SV2C: variants seen among roughly 807,000 people sequenced by gnomAD.
SV2C encodes solute carrier family 22 member B3.
A neutral mutation model predicts 79.7 loss-of-function variants in SV2C; 49 were observed. The observed-to-expected ratio is 0.61, with a 90% CI of 0.49 to 0.78. The LOEUF is 0.78. Ranked by LOEUF, SV2C falls within the 30% of genes least tolerant of loss-of-function variation. SV2C has a pLI of 0.00. For synonymous variants in SV2C, 334 were observed against 333.2 expected, an observed-to-expected ratio of 1.00 and a Z score of -0.03; for missense variants, 833 against 912.9, an observed-to-expected ratio of 0.91 and a Z score of 1.13.
chr5:76,207,998 G>A (rs1428988064), intron 3 of SV2C, among the ~76,000 whole-genome samples: 2 of 152,208 alleles, frequency 1.3e-5, no homozygotes, highest in Non-Finnish European at 2.9e-5. Flanking sequence ...TTGAGGGTTT[G>A]GTTATGGACT....
chr5:76,208,826 G>C (rs1040287269), intron 3 of SV2C, among the ~76,000 whole-genome samples: 1 of 152,186 alleles, frequency 6.6e-6, no homozygotes, highest in South Asian at 2.1e-4. Flanking sequence ...TGCTTGGAGT[G>C]ATAGTAATAT....
At chr5:75,896,344 G>A in the SV2C span, among the ~76,000 whole-genome samples, 1 of 151,762 alleles carries the variant, frequency 6.6e-6, no homozygotes, top group South Asian at 2.1e-4. Flanking sequence ...ATAGTTTACT[G>A]AGAATGCTGA....
chr5:76,050,632 A>G, the SV2C span, among the ~76,000 whole-genome samples: 8 of 151,946 alleles, frequency 5.3e-5, no homozygotes, highest in Non-Finnish European at 1.2e-4. Flanking sequence ...CTACCACCTT[A>G]GTACTCTCTA....
chr5:76,009,991 GTTTTTT>G, the SV2C span, among the ~76,000 whole-genome samples: 574 of 112,638 alleles, frequency 5.1e-3, 2 homozygotes, highest in African/African-American at 0.012. Context: ...TATCTATTTT[GTTTTTT>G]TTTTTTTTTT....
chr5:76,295,914 C>A lies in SV2C; in HGVS notation c.1474C>A (p.His492Asn). The change falls in exon 9 of 13, where the codon CAT becomes AAT. Residue 492 changes from histidine to asparagine, a missense_variant. Transcript: ENST00000502798. The part of the protein sequence containing the change: ...TINFTMENQI[H>N]TGMEYDNGRF... ...TAACTTTACAATGGAAAATCAGATT[C>A]ATACTGGAATGGAATACGACAATGG... The A allele has an allele frequency of 6.2e-7, 1 of 1,610,788 alleles. No individual in the cohort carries two copies. Among genetic ancestry groups the A allele is most frequent in the South Asian group, 1.1e-5 (1 of 90,564 alleles).
chr5:76,046,994 C>T, the SV2C span, among the ~76,000 whole-genome samples: 1 of 152,296 alleles, frequency 6.6e-6, no homozygotes, highest in East Asian at 1.9e-4. Flanking sequence ...CATGCATTTC[C>T]TGAAGAATGT....
At chr5:76,231,121 A>G (rs1745405233) in intron 4 of SV2C, among the ~76,000 whole-genome samples, 1 of 152,210 alleles carries the variant, frequency 6.6e-6, no homozygotes, top group African/African-American at 2.4e-5. Context: ...CCAAGGTTAC[A>G]AAACACCCCC....
the SV2C span, among the ~76,000 whole-genome samples, chr5:75,908,067 A>C: frequency 6.6e-6 from 1 of 152,228 alleles, no homozygotes; most frequent in African/African-American, 2.4e-5. Flanking sequence ...AAAAAATTGC[A>C]AGTTTCCCAT....
At chr5:75,885,572 G>C in the SV2C span, among the ~76,000 whole-genome samples, 1 of 152,090 alleles carries the variant, frequency 6.6e-6, no homozygotes, top group Admixed American at 6.6e-5. Flanking sequence ...ACTATGCTAT[G>C]AGTAATAACA....
intron 1 of SV2C, among the ~76,000 whole-genome samples, chr5:76,096,357 GAT>G (rs1747560799): frequency 6.6e-6 from 1 of 152,018 alleles, no homozygotes; most frequent in African/African-American, 2.4e-5. Flanking sequence ...TGTCTCATTT[GAT>G]ATATGAGACA....
chr5:75,995,361 AC>A, the SV2C span, among the ~76,000 whole-genome samples: 1 of 152,106 alleles, frequency 6.6e-6, no homozygotes. Flanking sequence ...CACTATGGCT[AC>A]CTTCAACTAA....
At chr5:76,274,720 A>G (rs1746971530) in intron 4 of SV2C, among the ~76,000 whole-genome samples, 1 of 142,862 alleles carries the variant, frequency 7.0e-6, no homozygotes, top group African/African-American at 2.6e-5. Context: ...TGAGAAGGAG[A>G]TGAAAAATCT....
chr5:76,239,561 T>C (rs1450834611), intron 4 of SV2C, among the ~76,000 whole-genome samples: 3 of 152,302 alleles, frequency 2.0e-5, no homozygotes, highest in East Asian at 3.9e-4. Context: ...TGAAGACTTA[T>C]CTAAGGCTGA....
chr5:76,305,670 C>G (rs1469875158), intron 12 of SV2C, among the ~76,000 whole-genome samples: 1 of 152,174 alleles, frequency 6.6e-6, no homozygotes, highest in East Asian at 1.9e-4. Context: ...GGAATTAAAT[C>G]TAGATGTACT....
At chr5:75,911,348 G>A in the SV2C span, 70 of 1,302,756 alleles carry the variant, frequency 5.4e-5, no homozygotes, top group Middle Eastern at 3.8e-4. Context: ...CTCCAAACCC[G>A]CACAGAAAAT....
intron 10 of SV2C, among the ~76,000 whole-genome samples, chr5:76,300,094 G>T (rs1198386092): frequency 2.6e-5 from 4 of 151,740 alleles, no homozygotes; most frequent in South Asian, 2.1e-4. Context: ...ACAGGGTCTT[G>T]CTCTGTCATC....
At chr5:76,148,982 G>T (rs1250966010) in intron 2 of SV2C, among the ~76,000 whole-genome samples, 2 of 152,120 alleles carry the variant, frequency 1.3e-5, no homozygotes, top group Non-Finnish European at 2.9e-5. Flanking sequence ...TCCTCCCCAA[G>T]ATATTCCAAG....
intron 2 of SV2C, among the ~76,000 whole-genome samples, chr5:76,155,306 T>A (rs1392670523): frequency 6.6e-6 from 1 of 152,204 alleles, no homozygotes; most frequent in Non-Finnish European, 1.5e-5. Flanking sequence ...TAAGAAATAC[T>A]TATTCAGGAA....
At chr5:76,149,804 A>C (rs1749547096) in intron 2 of SV2C, among the ~76,000 whole-genome samples, 1 of 152,256 alleles carries the variant, frequency 6.6e-6, no homozygotes, top group Admixed American at 6.5e-5. Context: ...CCCTAATCAC[A>C]TTTACAGCTT....
Sources: gnomAD v4.1 joint callset for allele counts (sites outside exome capture counted in the v4.1 genomes callset) on GRCh38, gnomAD v4.1.1 for gene constraint, MANE v1.5 for transcripts, NCBI Gene and HGNC (gene_info 2026-07-23, HGNC 2026-07-21) for gene names.